Variants in SMIM14 observed in about 807,000 individuals in gnomAD.
The protein encoded by SMIM14 is small integral membrane protein 14.
In SMIM14, 5 loss-of-function variants were observed where a neutral mutation model predicts 12.6. The ratio of observed to expected loss-of-function variants is 0.40; its 90% CI spans 0.21 to 0.83. The LOEUF is 0.83. Ranked by LOEUF, SMIM14 falls within the 40% of genes least tolerant of loss-of-function variation. The pLI is 0.37. For missense variants in SMIM14, 86 were observed against 119.1 expected (o/e 0.72, Z 1.29); for synonymous variants, 30 against 40.1 (o/e 0.75, Z 0.95).
chr4:39,614,824 C>T (rs1578358704), intron 1 of SMIM14, among the ~76,000 whole-genome samples: 1 of 152,110 alleles, frequency 6.6e-6, no homozygotes, highest in Non-Finnish European at 1.5e-5. Context: ...CACAGAAAAG[C>T]AGTGAAAGAA....
intron 1 of SMIM14, among the ~76,000 whole-genome samples, chr4:39,619,629 TC>T (rs1327001540): frequency 1.1e-5 from 1 of 91,432 alleles, no homozygotes; most frequent in African/African-American, 5.7e-5. Flanking sequence ...TATAATTTAT[TC>T]TATATATCAA....
rs929346029 is a variant in SMIM14, at chr4:39,633,329, T to A, written c.-36+5410A>T. 2.0e-5 allele frequency among the ~76,000 whole-genome samples: 3 copies of A among 152,320 alleles called. No homozygotes were observed. In the South Asian group the frequency reaches 6.2e-4, roughly 32 times the overall value. On this transcript the variant is annotated intron_variant, in intron 1 of 4. Coordinates refer to ENST00000295958, the MANE Select transcript of SMIM14 (RefSeq NM_174921.3). ...ATTAAGAAGTCTTTAATATAGCTTC[T>A]ATTTGTAATTAGACTGGCTGCTGTA... is the stretch of plus-strand genomic sequence containing the variant.
At chr4:39,616,659 AAAG>A (rs1476323994) in intron 1 of SMIM14, among the ~76,000 whole-genome samples, 3 of 151,370 alleles carry the variant, frequency 2.0e-5, no homozygotes, top group Admixed American at 6.6e-5. Context: ...AAAAAAAAGA[AAAG>A]AAAAAGAAAA....
At chr4:39,575,749 A>ATTTTTTTT in intron 2 of SMIM14, among the ~76,000 whole-genome samples, 1 of 132,206 alleles carries the variant, frequency 7.6e-6, no homozygotes. Context: ...ATGCCCAGCT[A>ATTTTTTTT]TTTTTTTTTT....
At position 39,548,716 on chromosome 4, in the gene SMIM14, A is replaced by C. The variant is rs1711529570; in HGVS notation, c.*3410T>G. The C allele has an allele frequency of 6.6e-6, 1 of 152,252 alleles. No homozygotes were observed. The highest frequency in any genetic ancestry group is 1.5e-5 in the Non-Finnish European group (1 of 68,046). 9.4% of individuals were successfully genotyped at this position (152,252 alleles called of 1,614,324 possible). A position where few individuals can be genotyped will look rare whatever the true frequency, so the allele number is the denominator to read the frequency against. ...AATATAAATTACTAGGTCAACAAGA[A>C]TATTTCATGTATAGTACACTGTCTA... is the stretch of plus-strand genomic sequence containing the variant. On this transcript the variant is annotated 3_prime_UTR_variant, in exon 5 of 5. Transcript: ENST00000295958.
In SMIM14 at chr4:39,553,059, GT is replaced by G. The variant is rs796515854; in HGVS notation, c.268-902del. Among the ~76,000 whole-genome samples, 422 of 141,822 alleles carry G rather than the reference GT, an allele frequency of 3.0e-3. 3 individuals carry two copies. The highest frequency in any genetic ancestry group is 7.4e-3 in the African/African-American group (288 of 38,966). 93.0% of individuals were successfully genotyped at this position (141,822 alleles called of 152,430 possible). A position where few individuals can be genotyped will look rare whatever the true frequency, so the allele number is the denominator to read the frequency against. On this transcript the variant is annotated intron_variant, in intron 4 of 4. Transcript: ENST00000295958. Reference sequence around the variant, plus strand: ...ATCTTGCATTTCTGTCATTTTAATAGTTTTTTTTTTTTTTTCCTTGAGACAG... The same window carrying G: ...ATCTTGCATTTCTGTCATTTTAATAGTTTTTTTTTTTTTTCCTTGAGACAG...
chr4:39,590,732 G>C (rs956614171), intron 2 of SMIM14, among the ~76,000 whole-genome samples: 2 of 151,762 alleles, frequency 1.3e-5, no homozygotes, highest in Non-Finnish European at 2.9e-5. Flanking sequence ...AACCCAGGAG[G>C]CGTAGGTTGC....
At chr4:39,594,242 A>G (rs903102346) in intron 2 of SMIM14, 5 of 152,232 alleles carry the variant, frequency 3.3e-5, no homozygotes, top group African/African-American at 1.2e-4. Flanking sequence ...CCTCGGAAAT[A>G]ACGCCGCATA....
intron 1 of SMIM14, among the ~76,000 whole-genome samples, chr4:39,635,587 G>GAAAATGTATACATATTGAA: frequency 1.3e-5 from 2 of 152,150 alleles, no homozygotes; most frequent in South Asian, 4.1e-4. Flanking sequence ...AATACATATT[G>GAAAATGTATACATATTGAA]AATACTATAA....
chr4:39,619,026 G>A (rs1482677693), intron 1 of SMIM14, among the ~76,000 whole-genome samples: 1 of 151,948 alleles, frequency 6.6e-6, no homozygotes, highest in Non-Finnish European at 1.5e-5. Context: ...GAATATATGT[G>A]ATATACTATC....
chr4:39,612,246 T>G (rs1185703733), intron 1 of SMIM14: 1 of 152,110 alleles, frequency 6.6e-6, no homozygotes, highest in Non-Finnish European at 1.5e-5. Context: ...TTCTCAACTG[T>G]CTTTTCTTTT....
chr4:39,607,446 G>A (rs1714856016), intron 1 of SMIM14, among the ~76,000 whole-genome samples: 1 of 152,140 alleles, frequency 6.6e-6, no homozygotes, highest in South Asian at 2.1e-4. Flanking sequence ...TAGTGCTTAT[G>A]CTAAGCCTAT....
intron 1 of SMIM14, among the ~76,000 whole-genome samples, chr4:39,629,824 G>A (rs1409668172): frequency 1.3e-5 from 2 of 151,840 alleles, no homozygotes; most frequent in African/African-American, 2.4e-5. Flanking sequence ...AGGGGGTCTC[G>A]ATGTGTTGCC....
chr4:39,612,643 A>C (rs984166155), intron 1 of SMIM14, among the ~76,000 whole-genome samples: 1 of 150,360 alleles, frequency 6.7e-6, no homozygotes, highest in Non-Finnish European at 1.5e-5. Context: ...CTGTGTCACC[A>C]AGGCTGGAGT....
At chr4:39,628,554 G>C (rs920256113) in intron 1 of SMIM14, among the ~76,000 whole-genome samples, 19 of 149,806 alleles carry the variant, frequency 1.3e-4, no homozygotes, top group African/African-American at 4.4e-4. Flanking sequence ...TGGCACACGC[G>C]TAGTCCCAAG....
At chr4:39,582,392 C>T (rs750384871) in intron 2 of SMIM14, among the ~76,000 whole-genome samples, 6 of 151,902 alleles carry the variant, frequency 3.9e-5, no homozygotes, top group African/African-American at 7.3e-5. Flanking sequence ...TGGCCGGGCA[C>T]GGTGGCTTAT....
intron 2 of SMIM14, among the ~76,000 whole-genome samples, chr4:39,585,586 T>C (rs4582159): frequency 0.88 from 134,461 of 152,052 alleles, 60,394 homozygotes; most frequent in Non-Finnish European, 0.96. Context: ...CATGAGCCAC[T>C]GCGCCCAGCC....
At chr4:39,615,682 C>G (rs962586094) in intron 1 of SMIM14, among the ~76,000 whole-genome samples, 5 of 151,634 alleles carry the variant, frequency 3.3e-5, no homozygotes, top group Non-Finnish European at 5.9e-5. Context: ...TAAAACTGCT[C>G]TAAAAAAATG....
intron 2 of SMIM14, among the ~76,000 whole-genome samples, chr4:39,602,939 AC>A (rs1351821332): frequency 1.3e-5 from 2 of 152,234 alleles, no homozygotes; most frequent in African/African-American, 4.8e-5. Flanking sequence ...ACCTTTATTA[AC>A]TGACATACAA....
Sources: gnomAD v4.1 joint callset for allele counts (sites outside exome capture counted in the v4.1 genomes callset) on GRCh38, gnomAD v4.1.1 for gene constraint, MANE v1.5 for transcripts, NCBI Gene and HGNC (gene_info 2026-07-23, HGNC 2026-07-21) for gene names.